The following PRELID2 variants were observed in gnomAD, a reference collection of about 807,000 sequenced individuals.
PRELID2 encodes PRELI domain-containing protein 2.
PRELID2 carries 25 observed loss-of-function variants against 28.4 expected under a neutral mutation model. The observed-to-expected ratio is 0.88, with a 90% confidence interval of 0.64 to 1.23. The LOEUF (loss-of-function observed/expected upper bound fraction) is 1.23, where lower values mean the gene tolerates loss of function less well. PRELID2 is among the 50% of genes most tolerant of loss of function. The pLI is 0.00. For missense variants in PRELID2, 201 were observed against 214.4 expected, an observed-to-expected ratio of 0.94 and a Z score of 0.39; for synonymous variants, 76 against 71.6, an observed-to-expected ratio of 1.06 and a Z score of -0.31.
rs545708337 is a variant in PRELID2 at position 145,761,427 on chromosome 5, A to G, written c.*11-902T>C. On this transcript the variant is annotated intron_variant, in intron 6 of 6. Coordinates refer to ENST00000683046, the MANE Select transcript of PRELID2 (RefSeq NM_205846.3). ...TTAATACCTTTTTATGTCTTAATAT[A>G]AAATCAGCCAAGTCTTCACAAAGTG... Among the ~76,000 whole-genome samples, 5 of 152,322 alleles carry G rather than the reference A, an allele frequency of 3.3e-5. No homozygotes were observed. In the South Asian group the frequency reaches 1.0e-3, roughly 32 times the overall value.
chr5:145,229,710 G>A, the PRELID2 span: 32 of 757,262 alleles, frequency 4.2e-5, no homozygotes, highest in East Asian at 7.6e-4. Context: ...AGACATCAAG[G>A]TCTTCACCAC....
intron 1 of PRELID2, among the ~76,000 whole-genome samples, chr5:145,525,807 G>A (rs559824411): frequency 6.6e-6 from 1 of 152,240 alleles, no homozygotes; most frequent in East Asian, 1.9e-4. Flanking sequence ...ATAAATCTGG[G>A]GCTTGCATTT....
At chr5:145,780,680 T>G (rs1758730480) in intron 5 of PRELID2, among the ~76,000 whole-genome samples, 1 of 152,194 alleles carries the variant, frequency 6.6e-6, no homozygotes, top group Non-Finnish European at 1.5e-5. Context: ...TTTGAACTAT[T>G]TCAAATGTAT....
At chr5:145,343,940 C>A in the PRELID2 span, among the ~76,000 whole-genome samples, 464 of 151,906 alleles carry the variant, frequency 3.1e-3, 1 homozygote, top group African/African-American at 0.011. Flanking sequence ...TGGAAACATA[C>A]AACATACCAA....
chr5:145,753,763 TA>T (rs950215798), downstream of PRELID2, among the ~76,000 whole-genome samples: 5 of 152,206 alleles, frequency 3.3e-5, no homozygotes, highest in Non-Finnish European at 7.3e-5. Context: ...CGGTGTTTTT[TA>T]AAGTTCCCCA....
chr5:145,410,567 A>G, the PRELID2 span, among the ~76,000 whole-genome samples: 1 of 152,188 alleles, frequency 6.6e-6, no homozygotes, highest in Non-Finnish European at 1.5e-5. Context: ...GAGTGGTAGG[A>G]GAGAGAATGA....
chr5:145,416,157 G>A, the PRELID2 span, among the ~76,000 whole-genome samples: 1 of 152,008 alleles, frequency 6.6e-6, no homozygotes, highest in Admixed American at 6.6e-5. Context: ...ATTTGTTTGA[G>A]TTCATTGTAG....
rs151110950 is a variant in PRELID2, at chr5:145,667,080, A to G, written n.70+97851T>C. Among the ~76,000 whole-genome samples, 81 of 152,222 alleles carry G rather than the reference A, an allele frequency of 5.3e-4. No individual in the cohort carries two copies. The East Asian group carries it at 0.013, about 25-fold the overall frequency. ...ACAGATACATTTGCATTTTATCTGA[A>G]CATTTATTTGAAATCATATTTGATT... On this transcript the variant is annotated intron_variant and non_coding_transcript_variant, in intron 1 of 2. Transcript: ENST00000510259.
At chr5:145,741,339 TAAAA>T (rs200935138) in intron 1 of PRELID2, among the ~76,000 whole-genome samples, 91,285 of 110,712 alleles carry the variant, frequency 0.82, 38,040 homozygotes, top group East Asian at 0.88. Flanking sequence ...TATATATAAA[TAAAA>T]TTTATTAATA....
the PRELID2 span, among the ~76,000 whole-genome samples, chr5:145,410,783 C>A: frequency 6.6e-6 from 1 of 152,110 alleles, no homozygotes; most frequent in African/African-American, 2.4e-5. Context: ...CCACTGCACT[C>A]CCGAATCTCA....
the PRELID2 span, among the ~76,000 whole-genome samples, chr5:145,411,004 T>C: frequency 6.6e-6 from 1 of 151,880 alleles, no homozygotes; most frequent in East Asian, 1.9e-4. Flanking sequence ...CCATTCCAAA[T>C]GGGAGAAATT....
At chr5:145,417,649 A>C in the PRELID2 span, among the ~76,000 whole-genome samples, 2 of 152,226 alleles carry the variant, frequency 1.3e-5, no homozygotes, top group East Asian at 3.8e-4. Flanking sequence ...ACAAAACCAC[A>C]TGATTATATC....
rs2149737278 is a variant in PRELID2, at chr5:145,740,845, A to ATT, written n.70+24085_70+24086insAA. On this transcript the variant is annotated intron_variant and non_coding_transcript_variant, in intron 1 of 2. Transcript: ENST00000510259. ...ATATACAAATATATATTTATCGATAAATATATATGTACATATATTTATCGA... is the reference window on the plus strand; with the variant it reads ...ATATACAAATATATATTTATCGATAATTATATATATGTACATATATTTATCGA... Among the ~76,000 whole-genome samples, 2 of 36,038 alleles carry ATT rather than the reference A, an allele frequency of 5.5e-5. 1 individual carries two copies. The highest frequency in any genetic ancestry group is 1.9e-3 in the East Asian group (2 of 1,058). 23.6% of individuals were successfully genotyped at this position (36,038 alleles called of 152,430 possible).
chr5:145,255,099 G>C, the PRELID2 span, among the ~76,000 whole-genome samples: 1 of 151,986 alleles, frequency 6.6e-6, no homozygotes, highest in East Asian at 1.9e-4. Flanking sequence ...GTCATTTTCT[G>C]GGTATAAATA....
At chr5:145,562,840 A>T (rs1752935568) in intron 1 of PRELID2, among the ~76,000 whole-genome samples, 2 of 152,232 alleles carry the variant, frequency 1.3e-5, no homozygotes, top group Non-Finnish European at 2.9e-5. Context: ...AACAAAATAA[A>T]TACATAATTC....
At chr5:145,279,745 A>G in the PRELID2 span, among the ~76,000 whole-genome samples, 1 of 152,168 alleles carries the variant, frequency 6.6e-6, no homozygotes. Context: ...ATCAAAGAAA[A>G]GAAACACATT....
the PRELID2 span, among the ~76,000 whole-genome samples, chr5:145,243,454 A>C: frequency 6.6e-6 from 1 of 152,032 alleles, no homozygotes; most frequent in South Asian, 2.1e-4. Flanking sequence ...GGAAAAGGAG[A>C]GCAAAACATT....
chr5:145,821,804 T>C (rs1453836613), intron 2 of PRELID2, among the ~76,000 whole-genome samples: 1 of 152,186 alleles, frequency 6.6e-6, no homozygotes, highest in South Asian at 2.1e-4. Context: ...CATTTCAATT[T>C]AGAATATGCA....
chr5:145,414,387 A>C, the PRELID2 span, among the ~76,000 whole-genome samples: 1 of 152,198 alleles, frequency 6.6e-6, no homozygotes, highest in East Asian at 1.9e-4. Context: ...GTAACCCCCC[A>C]GGCCTGCTGA....
Sources: gnomAD v4.1 joint callset for allele counts (sites outside exome capture counted in the v4.1 genomes callset) on GRCh38, gnomAD v4.1.1 for gene constraint, MANE v1.5 for transcripts, NCBI Gene and HGNC (gene_info 2026-07-23, HGNC 2026-07-21) for gene names.